The following NAA16 variants were observed in gnomAD, a reference collection of about 807,000 sequenced individuals.
NAA16 encodes the protein N-alpha-acetyltransferase 16, NatA auxiliary subunit.
A neutral mutation model predicts 110.3 loss-of-function variants in NAA16; 97 were observed. The observed-to-expected ratio is 0.88, with a 90% CI of 0.75 to 1.04. NAA16 has a LOEUF of 1.04. NAA16 is among the 50% of genes least tolerant of loss of function. The probability of loss-of-function intolerance (pLI) is 0.00; values close to 1 mark genes in which losing one functional copy is unlikely to be tolerated. For missense variants in NAA16, 1,017 were observed against 1,005.1 expected, an observed-to-expected ratio of 1.01 and a Z score of -0.16; for synonymous variants, 372 against 330.6, an observed-to-expected ratio of 1.13 and a Z score of -1.36.
At chr13:41,367,365 A>G (rs112520000) in intron 13 of NAA16, 74 bp from the exon 14 acceptor site, 1 of 1,076,858 alleles carries the variant, frequency 9.3e-7, no homozygotes, top group Non-Finnish European at 1.3e-6. Flanking sequence ...TGGGCTTTTT[A>G]CAATTTTTTT....
At chr13:41,374,148 T>C (rs906339778) in intron 18 of NAA16, among the ~76,000 whole-genome samples, 21 of 151,954 alleles carry the variant, frequency 1.4e-4, no homozygotes, top group African/African-American at 4.3e-4. Flanking sequence ...TTTCTTTTTT[T>C]TTTTTTTCTT....
intron 3 of NAA16, among the ~76,000 whole-genome samples, chr13:41,319,597 A>G (rs991137478): frequency 1.2e-4 from 18 of 151,942 alleles, no homozygotes; most frequent in Admixed American, 4.6e-4. Context: ...GCTTACTGCA[A>G]CCTCCACCTC....
intron 13 of NAA16, chr13:41,362,716 T>C (rs1354805427): frequency 7.8e-7 from 1 of 1,289,660 alleles, no homozygotes; most frequent in African/African-American, 1.5e-5. Flanking sequence ...TTCCTGTTCT[T>C]TGTCATCTCT....
intron 13 of NAA16, chr13:41,362,579 A>T: frequency 1.8e-6 from 1 of 557,858 alleles, no homozygotes; most frequent in Non-Finnish European, 2.8e-6. Flanking sequence ...ATTTGCTCTC[A>T]CATTCAGTAT....
rs137861662 is a variant in NAA16, at chr13:41,320,757, A to G, written c.335A>G (p.Asp112Gly). Residue 112 changes from aspartate to glycine, a missense_variant, in exon 4 of 20, where the codon GAT becomes GGT. Physicochemically the swap from Asp to Gly is moderately conservative, Grantham distance 94. Transcript: ENST00000379406. ...CGAAATGCCCTCAAATTAGATAAAG[A>G]TAACCTGCAAATTTTGAGGGATCTC... ...CYRNALKLDK[D>G]NLQILRDLSL... 1.0e-3 allele frequency: 1,682 copies of G among 1,613,452 alleles called. 1 individual carries two copies. The highest frequency in any genetic ancestry group is 1.4e-3 in the Non-Finnish European group (1,599 of 1,179,896).
At chr13:41,360,704 A>G (rs117323166) in intron 12 of NAA16, among the ~76,000 whole-genome samples, 2,351 of 152,262 alleles carry the variant, frequency 0.015, 29 homozygotes, top group Non-Finnish European at 0.02. Flanking sequence ...AGGGGAAGAA[A>G]ACTGCAAATG....
Position 41,372,765 on chromosome 13 carries a change from G to C in NAA16, c.2090G>C (p.Arg697Pro). ...KFLLMLQSVK[R>P]AFAINSNNPW... ...CTGTTAATGCTGCAGTCTGTCAAACGAGCTTTTGCCATTAACAGTAATAAC... is the reference window on the plus strand; with the variant it reads ...CTGTTAATGCTGCAGTCTGTCAAACCAGCTTTTGCCATTAACAGTAATAAC... The change falls in exon 17 of 20, where the codon CGA becomes CCA. Residue 697 changes from arginine (R) to proline (P), a missense_variant. Arg to Pro is a moderately radical substitution (Grantham distance 103). Transcript: ENST00000379406. 6.2e-7 allele frequency: 1 copy of C among 1,602,210 alleles called. No homozygotes were observed.
intron 9 of NAA16, among the ~76,000 whole-genome samples, chr13:41,342,492 A>G (rs371156299): frequency 3.6e-4 from 55 of 152,280 alleles, no homozygotes; most frequent in African/African-American, 1.2e-3. Flanking sequence ...AATAGTGTCC[A>G]TTTCTTCTAA....
chr13:41,335,976 G>C (rs918675713), intron 8 of NAA16, among the ~76,000 whole-genome samples: 2 of 151,436 alleles, frequency 1.3e-5, no homozygotes, highest in Admixed American at 6.6e-5. Context: ...AATATTCTCT[G>C]CTTTCAAAAG....
At position 41,323,311 on chromosome 13, in the gene NAA16, C is replaced by T. The variant is rs1181752801; in HGVS notation, c.537+121C>T. 41 of 945,828 alleles carry T rather than the reference C, an allele frequency of 4.3e-5. No individual in the cohort carries two copies. In the South Asian group the frequency reaches 5.6e-4, roughly 13 times the overall value. The allele number at this position is 945,828 out of a possible 1,614,324, so 58.6% of individuals were successfully genotyped here. On this transcript the variant is annotated intron_variant, in intron 5 of 19. Coordinates refer to ENST00000379406, the MANE Select transcript of NAA16 (RefSeq NM_024561.5). ...TATGGAAAACGGGAAAACTTTTTGACGTAATTGGAAACAGTTAAAATGTAG... is the reference window on the plus strand; with the variant it reads ...TATGGAAAACGGGAAAACTTTTTGATGTAATTGGAAACAGTTAAAATGTAG...
chr13:41,359,379 C>A (rs1198920806), intron 12 of NAA16, among the ~76,000 whole-genome samples: 1 of 152,190 alleles, frequency 6.6e-6, no homozygotes, highest in Non-Finnish European at 1.5e-5. Context: ...GTCTCTGTGA[C>A]ATTCAAGAAT....
chr13:41,343,909 A>G (rs2042618078), intron 9 of NAA16, among the ~76,000 whole-genome samples: 1 of 151,778 alleles, frequency 6.6e-6, no homozygotes. Context: ...TGGACTCGAG[A>G]GATTTGCCTG....
intron 9 of NAA16, among the ~76,000 whole-genome samples, chr13:41,337,524 C>T (rs1399838498): frequency 7.9e-6 from 1 of 127,286 alleles, no homozygotes; most frequent in Non-Finnish European, 1.6e-5. Context: ...GCCTGAGTGA[C>T]AGAGCGAGAC....
chr13:41,334,490 T>C (rs2042325074), intron 8 of NAA16, among the ~76,000 whole-genome samples: 1 of 152,244 alleles, frequency 6.6e-6, no homozygotes, highest in Non-Finnish European at 1.5e-5. Flanking sequence ...CTATTCTTGC[T>C]GTTTACACTG....
In NAA16 at chr13:41,344,666, T is replaced by C. The variant is rs140710226; in HGVS notation, c.1014+7910T>C. ...GCTGTCCTATGCATTGTAGGATGTTTAGCAAACTCCCTGGCCTCTACCATC... is the reference window on the plus strand; with the variant it reads ...GCTGTCCTATGCATTGTAGGATGTTCAGCAAACTCCCTGGCCTCTACCATC... On this transcript the variant is annotated intron_variant, in intron 9 of 19. Transcript: ENST00000379406. 3.5e-3 allele frequency among the ~76,000 whole-genome samples: 540 copies of C among 152,348 alleles called. 1 individual carries two copies. The highest frequency in any genetic ancestry group is 0.012 in the African/African-American group (490 of 41,592).
chr13:41,326,951 C>A (rs992354168), intron 6 of NAA16, among the ~76,000 whole-genome samples: 7 of 152,138 alleles, frequency 4.6e-5, no homozygotes, highest in Non-Finnish European at 7.4e-5. Flanking sequence ...AAACCCCTGG[C>A]AACCACTGAT....
In NAA16 at chr13:41,328,822, T is replaced by A. The variant is rs1566254165; in HGVS notation, c.790T>A (p.Leu264Met). ...AGAAAATTGGTGTTATTATGAAGGC[T>A]TGGAAAAAGCTCTACAAATTAGTAT... ...NAENWCYYEG[L>M]EKALQISTLE... Residue 264 changes from leucine (L) to methionine (M), a missense_variant, in exon 7 of 20, where the codon TTG (leucine) becomes ATG (methionine). Physicochemically the swap from Leu to Met is conservative, Grantham distance 15. Coordinates refer to ENST00000379406, the MANE Select transcript of NAA16 (RefSeq NM_024561.5). 2.5e-6 allele frequency: 4 copies of A among 1,603,858 alleles called. No individual in the cohort carries two copies. The Middle Eastern group carries it at 5.0e-4, about 200-fold the overall frequency.
At chr13:41,362,625 T>C in intron 13 of NAA16, 1 of 1,045,782 alleles carries the variant, frequency 9.6e-7, no homozygotes, top group Non-Finnish European at 1.3e-6. Flanking sequence ...TGCAGGCTTA[T>C]TTTATTGCTT....
At chr13:41,340,153 A>G (rs1318335909) in intron 9 of NAA16, among the ~76,000 whole-genome samples, 1 of 152,202 alleles carries the variant, frequency 6.6e-6, no homozygotes, top group Non-Finnish European at 1.5e-5. Flanking sequence ...TGTCCTGTCC[A>G]TAACAGATAA....
Sources: gnomAD v4.1 joint callset for allele counts (sites outside exome capture counted in the v4.1 genomes callset) on GRCh38, gnomAD v4.1.1 for gene constraint, MANE v1.5 for transcripts, NCBI Gene and HGNC (gene_info 2026-07-23, HGNC 2026-07-21) for gene names.